The following CACNA2D3 variants were observed in gnomAD, a reference collection of about 807,000 sequenced individuals.
The protein encoded by CACNA2D3 is calcium voltage-gated channel auxiliary subunit alpha2delta 3, also known as voltage-dependent calcium channel subunit alpha-2/delta-3.
Under a neutral mutation model 160.6 loss-of-function variants are expected in CACNA2D3, and 60 were observed. That is an observed-to-expected ratio of 0.37 (90% confidence interval 0.30 to 0.46). The LOEUF (loss-of-function observed/expected upper bound fraction) is 0.46. CACNA2D3 is among the 20% of genes least tolerant of loss of function. The pLI is 1.00. For synonymous variants in CACNA2D3, 558 were observed against 492.9 expected (o/e 1.13, Z -1.75); for missense variants, 1,205 against 1,365.0 (o/e 0.88, Z 1.85).
intron 3 of CACNA2D3, among the ~76,000 whole-genome samples, chr3:54,343,129 C>T (rs913285559): frequency 5.9e-5 from 9 of 151,918 alleles, no homozygotes; most frequent in African/African-American, 2.2e-4. Context: ...CTTTTTTTTC[C>T]CTCTTGGGAA....
chr3:54,756,312 A>G (rs1401693515), intron 12 of CACNA2D3, among the ~76,000 whole-genome samples: 1 of 152,214 alleles, frequency 6.6e-6, no homozygotes, highest in Non-Finnish European at 1.5e-5. Context: ...TCTTCAAAGT[A>G]GCAATGCCAT....
chr3:54,163,021 T>C (rs1170424564), intron 2 of CACNA2D3, among the ~76,000 whole-genome samples: 1 of 152,084 alleles, frequency 6.6e-6, no homozygotes, highest in Non-Finnish European at 1.5e-5. Context: ...AAGTGCAAGG[T>C]CCAGAAACAG....
intron 3 of CACNA2D3, among the ~76,000 whole-genome samples, chr3:54,362,848 A>G (rs555883408): frequency 6.6e-6 from 1 of 152,362 alleles, no homozygotes; most frequent in Non-Finnish European, 1.5e-5. Flanking sequence ...AACTGTTGAT[A>G]TCGCAATGAG....
chr3:54,293,550 G>C (rs750336529), intron 2 of CACNA2D3, among the ~76,000 whole-genome samples: 5 of 136,526 alleles, frequency 3.7e-5, no homozygotes, highest in African/African-American at 1.3e-4. Flanking sequence ...TTTCATGACT[G>C]AGTAATATTC....
chr3:54,837,247 AG>A lies in CACNA2D3; in HGVS notation c.1470+18del. On this transcript the variant is annotated intron_variant, in intron 15 of 37. Transcript: ENST00000474759. ...AACGAAACCGTGAGTACAGTCGCTG[AG>A]CTTCCTGCTTGATGCTAGGAGGGTG... 1 of 1,611,182 alleles carries A rather than the reference AG, an allele frequency of 6.2e-7. No individual in the cohort carries two copies.
At chr3:54,443,078 C>T (rs1032349928) in intron 4 of CACNA2D3, among the ~76,000 whole-genome samples, 1 of 152,330 alleles carries the variant, frequency 6.6e-6, no homozygotes, top group Admixed American at 6.5e-5. Flanking sequence ...CTGGAAACTC[C>T]TGGCTCACAG....
intron 25 of CACNA2D3, among the ~76,000 whole-genome samples, chr3:54,894,419 G>A (rs1575536729): frequency 1.3e-5 from 2 of 152,224 alleles, no homozygotes. Flanking sequence ...ACACCCAGAT[G>A]TGCAGCATTC....
At chr3:54,627,645 T>A in intron 9 of CACNA2D3, 142 bp from the exon 10 acceptor site, 1 of 647,744 alleles carries the variant, frequency 1.5e-6, no homozygotes, top group Non-Finnish European at 2.8e-6. Flanking sequence ...TCTTATGTTT[T>A]GAATGTAGAA....
At chr3:54,780,680 T>G (rs1434822838) in intron 13 of CACNA2D3, among the ~76,000 whole-genome samples, 1 of 152,230 alleles carries the variant, frequency 6.6e-6, no homozygotes, top group Non-Finnish European at 1.5e-5. Context: ...CCAAGCTAAT[T>G]GCTCTGGGCC....
intron 4 of CACNA2D3, among the ~76,000 whole-genome samples, chr3:54,484,697 A>G (rs1700988715): frequency 6.6e-6 from 1 of 152,202 alleles, no homozygotes; most frequent in Non-Finnish European, 1.5e-5. Context: ...TAACTCTTGT[A>G]ACTGGAAATG....
At chr3:54,809,462 G>C (rs1353440917) in intron 13 of CACNA2D3, among the ~76,000 whole-genome samples, 1 of 144,102 alleles carries the variant, frequency 6.9e-6, no homozygotes, top group Non-Finnish European at 1.5e-5. Flanking sequence ...GGGACTACAG[G>C]CGCCCGCCAC....
intron 2 of CACNA2D3, among the ~76,000 whole-genome samples, chr3:54,277,296 AT>A (rs1389243244): frequency 6.6e-6 from 1 of 152,174 alleles, no homozygotes; most frequent in Non-Finnish European, 1.5e-5. Flanking sequence ...TATTAAGTTA[AT>A]TTTTGTATAC....
intron 3 of CACNA2D3, among the ~76,000 whole-genome samples, chr3:54,351,319 T>G (rs924723280): frequency 3.3e-5 from 5 of 152,110 alleles, no homozygotes; most frequent in Non-Finnish European, 7.4e-5. Flanking sequence ...GTCTCTTTTT[T>G]CCTTGTCAGC....
At chr3:54,635,920 T>TA (rs1287801218) in intron 10 of CACNA2D3, among the ~76,000 whole-genome samples, 1 of 152,000 alleles carries the variant, frequency 6.6e-6, no homozygotes, top group African/African-American at 2.4e-5. Flanking sequence ...AGGAAACGCC[T>TA]TTACTTATTC....
intron 11 of CACNA2D3, among the ~76,000 whole-genome samples, chr3:54,682,407 A>G (rs1161761811): frequency 6.6e-6 from 1 of 152,104 alleles, no homozygotes; most frequent in African/African-American, 2.4e-5. Flanking sequence ...CGAGTGGATC[A>G]TTTGAGCCAG....
intron 3 of CACNA2D3, among the ~76,000 whole-genome samples, chr3:54,329,787 A>G (rs1343323556): frequency 4.6e-5 from 7 of 152,244 alleles, no homozygotes; most frequent in Non-Finnish European, 1.0e-4. Flanking sequence ...ACCACTGTCT[A>G]TAATTTTATA....
intron 4 of CACNA2D3, among the ~76,000 whole-genome samples, chr3:54,418,847 C>T (rs6777368): frequency 6.6e-6 from 1 of 152,004 alleles, no homozygotes; most frequent in Non-Finnish European, 1.5e-5. Context: ...TTATTATTGT[C>T]GTTATTATTT....
chr3:54,288,548 G>A (rs931333525), intron 2 of CACNA2D3, among the ~76,000 whole-genome samples: 2 of 152,132 alleles, frequency 1.3e-5, no homozygotes, highest in Admixed American at 6.6e-5. Context: ...TAGAAAAAGA[G>A]GGAATCCTCC....
chr3:54,953,219 G>A (rs541404353), intron 27 of CACNA2D3, among the ~76,000 whole-genome samples: 1 of 152,280 alleles, frequency 6.6e-6, no homozygotes, highest in South Asian at 2.1e-4. Context: ...TATAAGGTGT[G>A]CATGACTCCT....
Sources: allele counts gnomAD v4.1 joint callset (sites outside exome capture counted in the v4.1 genomes callset), GRCh38; gene constraint gnomAD v4.1.1; transcripts MANE v1.5; gene names NCBI Gene and HGNC (gene_info 2026-07-23, HGNC 2026-07-21).